The following SFXN1 variants were observed in gnomAD, a reference collection of about 807,000 sequenced individuals.
The protein encoded by SFXN1 is sideroflexin-1.
A neutral mutation model predicts 39.5 loss-of-function variants in SFXN1; 32 were observed. That is an observed-to-expected ratio of 0.81 (90% CI 0.61 to 1.09). SFXN1 has a LOEUF of 1.09. SFXN1 is among the 50% of genes least tolerant of loss of function. The probability of loss-of-function intolerance (pLI) is 0.00; values close to 1 mark genes in which losing one functional copy is unlikely to be tolerated. For missense variants in SFXN1, 402 were observed against 407.1 expected (o/e 0.99, Z 0.11); for synonymous variants, 136 against 146.5 (o/e 0.93, Z 0.52).
At chr5:175,510,940 G>C (rs56210407) in intron 4 of SFXN1, among the ~76,000 whole-genome samples, 6 of 152,140 alleles carry the variant, frequency 3.9e-5, no homozygotes, top group Non-Finnish European at 7.3e-5. Context: ...TTTAAAAGAA[G>C]AGAGAATTGC....
chr5:175,488,389 G>A (rs1192468508), intron 1 of SFXN1, among the ~76,000 whole-genome samples: 3 of 149,666 alleles, frequency 2.0e-5, no homozygotes, highest in African/African-American at 5.0e-5. Flanking sequence ...CGCCATCTCC[G>A]CCTCCCAGGT....
At chr5:175,517,416 G>A (rs1391503625) in intron 8 of SFXN1, among the ~76,000 whole-genome samples, 6 of 152,016 alleles carry the variant, frequency 3.9e-5, no homozygotes, top group African/African-American at 4.8e-5. Flanking sequence ...GGGCCCACTG[G>A]TTTCAGAACC....
chr5:175,513,837 G>A, intron 7 of SFXN1: 1 of 364,976 alleles, frequency 2.7e-6, no homozygotes, highest in Non-Finnish European at 5.2e-6. Flanking sequence ...GTGTGGGAGT[G>A]AGCCAAGTGG....
Position 175,513,501 on chromosome 5 carries a change from G to A in SFXN1, c.635G>A (p.Gly212Glu). The change falls in exon 7 of 11, where the codon GGG becomes GAG. Residue 212 changes from glycine (G) to glutamate (E), a missense_variant. Transcript: ENST00000321442. ...GGCATTCCCGTCACGGATGAGAATG[G>A]GAACCGCTTGGGGGAGTCGGCGAAC... is the stretch of plus-strand genomic sequence containing the variant. ...KVGIPVTDEN[G>E]NRLGESANAA... is the part of the protein sequence containing the mutation. 1 of 1,613,876 alleles carries A rather than the reference G, an allele frequency of 6.2e-7. No individual in the cohort carries two copies. Among genetic ancestry groups the A allele is most frequent in the Non-Finnish European group, 8.5e-7 (1 of 1,179,932 alleles).
rs114172024 is a variant in SFXN1 at position 175,507,554 on chromosome 5, A to G, written c.165-1478A>G. ...ACATTACCAGTGGAGATGAGTAGGT[A>G]AAGACTTGAGTGATTTTAATTGCTC... On this transcript the variant is annotated intron_variant, in intron 2 of 10. Transcript: ENST00000321442. Among the ~76,000 whole-genome samples the G allele has an allele frequency of 5.0e-3, 757 of 152,332 alleles. 3 individuals carry two copies. The highest frequency in any genetic ancestry group is 0.017 in the African/African-American group (706 of 41,568).
At chr5:175,491,904 G>T in intron 1 of SFXN1, 191 bp from the exon 2 acceptor site, 1 of 465,116 alleles carries the variant, frequency 2.2e-6, no homozygotes, top group Non-Finnish European at 3.8e-6. Context: ...ATTTAGTTAA[G>T]ATCAATTGAG....
intron 10 of SFXN1, chr5:175,525,781 T>C (rs1300451249): frequency 6.6e-6 from 1 of 152,088 alleles, no homozygotes; most frequent in Non-Finnish European, 1.5e-5. Context: ...TCTTATTTTT[T>C]ATTTTTATAG....
At chr5:175,510,347 C>CT (rs1298816800) in intron 4 of SFXN1, 140 bp downstream of exon 4, 2 of 664,232 alleles carry the variant, frequency 3.0e-6, no homozygotes, top group African/African-American at 3.7e-5. Flanking sequence ...TTTTTTGTAG[C>CT]TTTTTTCTTT....
At chr5:175,505,516 G>A (rs898272679) in intron 2 of SFXN1, among the ~76,000 whole-genome samples, 11 of 140,480 alleles carry the variant, frequency 7.8e-5, no homozygotes, top group Admixed American at 1.5e-4. Flanking sequence ...CAGCCTGGGC[G>A]ACAAGAGTGC....
At chr5:175,482,960 C>T (rs1293648217) in intron 1 of SFXN1, among the ~76,000 whole-genome samples, 1 of 152,070 alleles carries the variant, frequency 6.6e-6, no homozygotes, top group African/African-American at 2.4e-5. Context: ...AACCCAGGAC[C>T]AAGCCAGTGT....
intron 7 of SFXN1, among the ~76,000 whole-genome samples, chr5:175,514,004 G>A (rs531768033): frequency 1.6e-4 from 25 of 152,228 alleles, no homozygotes; most frequent in Non-Finnish European, 3.1e-4. Flanking sequence ...AGCGTGGATG[G>A]CAGCCCTGGC....
chr5:175,483,222 G>T (rs1759322422), intron 1 of SFXN1, among the ~76,000 whole-genome samples: 1 of 152,166 alleles, frequency 6.6e-6, no homozygotes, highest in Non-Finnish European at 1.5e-5. Flanking sequence ...CTCAAATGCA[G>T]TATAATGTCA....
intron 1 of SFXN1, among the ~76,000 whole-genome samples, chr5:175,482,664 T>C (rs1414855495): frequency 6.6e-6 from 1 of 152,178 alleles, no homozygotes; most frequent in Admixed American, 6.5e-5. Flanking sequence ...AATAAAGGCC[T>C]CTTATACTCT....
At chr5:175,504,803 A>G (rs1328980560) in intron 2 of SFXN1, among the ~76,000 whole-genome samples, 1 of 151,858 alleles carries the variant, frequency 6.6e-6, no homozygotes, top group Non-Finnish European at 1.5e-5. Flanking sequence ...ATCTTGGTTC[A>G]CTGCAAGCTC....
intron 3 of SFXN1, 147 bp from the exon 4 acceptor site, chr5:175,509,962 A>G (rs557868521): frequency 3.2e-6 from 2 of 617,054 alleles, no homozygotes; most frequent in African/African-American, 3.7e-5. Flanking sequence ...AAGCTTGCCC[A>G]GCACACAGAT....
chr5:175,492,028 G>A, intron 1 of SFXN1, 67 bp from the exon 2 acceptor site: 1 of 1,272,540 alleles, frequency 7.9e-7, no homozygotes, highest in Non-Finnish European at 1.1e-6. Context: ...TAAGGTGACT[G>A]TAAAGTTTCT....
intron 7 of SFXN1, 77 bp downstream of exon 7, chr5:175,513,667 C>A: frequency 1.4e-6 from 2 of 1,457,960 alleles, no homozygotes; most frequent in Admixed American, 1.8e-5. Context: ...AGAAAACAAA[C>A]ACATATATCA....
At position 175,510,210 on chromosome 5, in the gene SFXN1, A is replaced by G. The variant is rs1295283331; in HGVS notation, c.434+3A>G. 1 of 1,605,738 alleles carries G rather than the reference A, an allele frequency of 6.2e-7. No individual in the cohort carries two copies. Among genetic ancestry groups the G allele is most frequent in the East Asian group, 2.2e-5 (1 of 44,816 alleles). On this transcript the variant is annotated splice_donor_region_variant and intron_variant, in intron 4 of 10. Coordinates refer to ENST00000321442, the MANE Select transcript of SFXN1 (RefSeq NM_022754.7). Reference sequence around the variant, plus strand: ...GGAGACGCACCCCTCACTGTCAAGTAAGGCTACGAGAATTGACCACTCTCT... The same window carrying G: ...GGAGACGCACCCCTCACTGTCAAGTGAGGCTACGAGAATTGACCACTCTCT...
intron 10 of SFXN1, among the ~76,000 whole-genome samples, chr5:175,525,094 C>T (rs1761018620): frequency 1.3e-5 from 2 of 152,214 alleles, no homozygotes; most frequent in African/African-American, 4.8e-5. Context: ...TTCAAACAAA[C>T]TCTCCTGGAA....
Sources: gnomAD v4.1 joint callset for allele counts (sites outside exome capture counted in the v4.1 genomes callset) on GRCh38, gnomAD v4.1.1 for gene constraint, MANE v1.5 for transcripts, NCBI Gene and HGNC (gene_info 2026-07-23, HGNC 2026-07-21) for gene names.